FZR1: variants seen among roughly 807,000 people sequenced by gnomAD.
The protein encoded by FZR1 is fizzy-related protein homolog.
Under a neutral mutation model 63.6 loss-of-function variants are expected in FZR1, and 11 were observed. That is an observed-to-expected ratio of 0.17 (90% CI 0.11 to 0.29). The LOEUF (loss-of-function observed/expected upper bound fraction) is 0.29, where lower values mean the gene tolerates loss of function less well. Among genes scored for constraint, FZR1 ranks in the 10% least tolerant of loss-of-function variants. The pLI, the probability that FZR1 is intolerant of heterozygous loss-of-function variation, is 1.00. For synonymous variants in FZR1, 328 were observed against 297.9 expected, an observed-to-expected ratio of 1.10 and a Z score of -1.04; for missense variants, 440 against 687.5, an observed-to-expected ratio of 0.64 and a Z score of 4.03.
intron 1 of FZR1, among the ~76,000 whole-genome samples, chr19:3,521,701 C>A (rs1301357129): frequency 2.0e-5 from 3 of 152,116 alleles, no homozygotes; most frequent in Non-Finnish European, 2.9e-5. Context: ...GGGGTTTCAC[C>A]ACGTTGGCCA....
At chr19:3,523,171 G>T in intron 2 of FZR1, 113 bp downstream of exon 2, 2 of 764,482 alleles carry the variant, frequency 2.6e-6, no homozygotes, top group Non-Finnish European at 4.8e-6. Flanking sequence ...GACCACTCAG[G>T]TCCCAGTCCC....
Position 3,532,706 on chromosome 19 carries a change from C to CCCTTACCTGCCACCT in FZR1, c.1242+57_1242+71dup. 7 of 1,183,666 alleles carry CCCTTACCTGCCACCT rather than the reference C, an allele frequency of 5.9e-6. No homozygotes were observed. The South Asian group carries it at 7.5e-5, about 13-fold the overall frequency. The allele number at this position is 1,183,666 out of a possible 1,614,324, so 73.3% of individuals were successfully genotyped here. ...GCCTCAGGATGTGCGTCCTGCTGGC[C>CCCTTACCTGCCACCT]CCTTACCTGCCACCTGAGAGCAGCC... On this transcript the variant is annotated intron_variant, in intron 11 of 13. Coordinates refer to ENST00000441788, the MANE Select transcript of FZR1 (RefSeq NM_016263.4).
At chr19:3,523,942 T>C (rs1214580134) in intron 2 of FZR1, among the ~76,000 whole-genome samples, 2 of 152,230 alleles carry the variant, frequency 1.3e-5, no homozygotes, top group Admixed American at 1.3e-4. Flanking sequence ...CTTCTCCCCC[T>C]GTGCGGTGCG....
intron 13 of FZR1, 117 bp downstream of exon 13, chr19:3,534,630 C>T: frequency 1.1e-6 from 1 of 905,306 alleles, no homozygotes; most frequent in Non-Finnish European, 1.8e-6. Flanking sequence ...CCGAGCTTCC[C>T]TCACCTCAAA....
Position 3,525,432 on chromosome 19 carries a change from CTT to C in FZR1, c.70-409_70-408del, listed in dbSNP as rs57486013. On this transcript the variant is annotated intron_variant, in intron 2 of 13. Transcript: ENST00000441788. This position sits in a 1 kb window ranked among gnomAD's most constrained non-coding sequence, Gnocchi z 4.2. ...TGTGTGGCTCCCCTCCTTGGGTTTTCTTTTTTTTTTTTTTTTTTTTTTTTTTT... is the reference window on the plus strand; with the variant it reads ...TGTGTGGCTCCCCTCCTTGGGTTTTCTTTTTTTTTTTTTTTTTTTTTTTTT... 5.8e-5 allele frequency among the ~76,000 whole-genome samples: 4 copies of C among 68,742 alleles called. No homozygotes were observed. Among genetic ancestry groups the C allele is most frequent in the African/African-American group, 1.8e-4 (3 of 16,546 alleles). The allele number at this position is 68,742 out of a possible 152,430, so 45.1% of individuals were successfully genotyped here.
intron 7 of FZR1, among the ~76,000 whole-genome samples, chr19:3,529,463 A>G (rs1288208673): frequency 1.6e-5 from 2 of 127,740 alleles, no homozygotes; most frequent in African/African-American, 7.7e-5. Flanking sequence ...AGTGGATGGG[A>G]GAGCAGATGG....
In FZR1 at chr19:3,523,066, C is replaced by T. The variant is rs1281680616; in HGVS notation, c.69+8C>T. Reference sequence around the variant, plus strand: ...GAGAACACGATGCCACGCGTGAGTGCCCCCGCCCTGCCCACCACTGTGGCT... The same window carrying T: ...GAGAACACGATGCCACGCGTGAGTGTCCCCGCCCTGCCCACCACTGTGGCT... On this transcript the variant is annotated splice_region_variant and intron_variant, in intron 2 of 13. Coordinates refer to ENST00000441788, the MANE Select transcript of FZR1 (RefSeq NM_016263.4). The T allele has an allele frequency of 5.7e-6, 9 of 1,571,024 alleles. No homozygotes were observed. Among genetic ancestry groups the T allele is most frequent in the Non-Finnish European group, 7.0e-6 (8 of 1,142,066 alleles).
At chr19:3,518,868 TAA>T (rs1046659529) in intron 1 of FZR1, among the ~76,000 whole-genome samples, 2 of 151,946 alleles carry the variant, frequency 1.3e-5, no homozygotes, top group African/African-American at 2.4e-5. Flanking sequence ...CCTGTCTCCA[TAA>T]AAAAAAGTGT....
intron 7 of FZR1, among the ~76,000 whole-genome samples, chr19:3,529,039 T>C (rs1196177529): frequency 8.3e-6 from 1 of 120,498 alleles, no homozygotes; most frequent in Non-Finnish European, 1.7e-5. Context: ...AGTGGATGGG[T>C]GAGAGGATGG....
chr19:3,519,129 G>A (rs1373314842), intron 1 of FZR1, among the ~76,000 whole-genome samples: 1 of 152,222 alleles, frequency 6.6e-6, no homozygotes, highest in East Asian at 1.9e-4. Flanking sequence ...CCCCCCATGC[G>A]AGGCTGGGCA....
intron 13 of FZR1, 131 bp from the exon 14 acceptor site, chr19:3,534,664 T>C (rs904366231): frequency 2.2e-6 from 2 of 928,730 alleles, no homozygotes; most frequent in African/African-American, 3.2e-5. Flanking sequence ...GTCGGGGCAG[T>C]GTGGCAGGCC....
In FZR1 at chr19:3,515,761, G is replaced by A. The variant is rs1242108045; in HGVS notation, c.-34-7195G>A. ...AGCCTGGGTGACAGAGCCAGACTCC[G>A]TCTCTAAAAAAAAAAAAAAAAGGAA... On this transcript the variant is annotated intron_variant, in intron 1 of 13. Coordinates refer to ENST00000441788, the MANE Select transcript of FZR1 (RefSeq NM_016263.4). The surrounding 1 kb of genome is among the most constrained non-coding windows in gnomAD (Gnocchi z 4.6). Among the ~76,000 whole-genome samples, 12 of 115,912 alleles carry A rather than the reference G, an allele frequency of 1.0e-4. No individual in the cohort carries two copies. The highest frequency in any genetic ancestry group is 3.1e-4 in the South Asian group (1 of 3,224). 76.0% of individuals were successfully genotyped at this position (115,912 alleles called of 152,430 possible).
rs1369593281 is a variant in FZR1, at chr19:3,515,324, T to C, written c.-34-7632T>C. On this transcript the variant is annotated intron_variant, in intron 1 of 13. Coordinates refer to ENST00000441788, the MANE Select transcript of FZR1 (RefSeq NM_016263.4). The surrounding 1 kb of genome is among the most constrained non-coding windows in gnomAD (Gnocchi z 4.6). ...AACAGCAGCTTAAGATCCTGATTTC[T>C]CTCTACTCTAACCTTTTACGATGAA... Among the ~76,000 whole-genome samples the C allele has an allele frequency of 6.6e-6, 1 of 152,186 alleles. No individual in the cohort carries two copies.
chr19:3,508,304 C>A (rs2083000724), intron 1 of FZR1, among the ~76,000 whole-genome samples: 1 of 140,462 alleles, frequency 7.1e-6, no homozygotes, highest in African/African-American at 2.7e-5. Flanking sequence ...TCAAGTGATT[C>A]TCCTGCCTCA....
Position 3,533,089 on chromosome 19 carries a change from G to A in FZR1, c.1243-205G>A, listed in dbSNP as rs547025570. ...TCCTTGTTGGGCTCCAGCCTTTGGC[G>A]GTGGGTGGAGGGGTCCACCTGTGGC... On this transcript the variant is annotated intron_variant, in intron 11 of 13. Coordinates refer to ENST00000441788, the MANE Select transcript of FZR1 (RefSeq NM_016263.4). This position sits in a 1 kb window ranked among gnomAD's most constrained non-coding sequence, Gnocchi z 4.9. Among the ~76,000 whole-genome samples, 16 of 152,244 alleles carry A rather than the reference G, an allele frequency of 1.1e-4. No individual in the cohort carries two copies. Among genetic ancestry groups the A allele is most frequent in the South Asian group, 1.0e-3 (5 of 4,824 alleles).
chr19:3,511,077 C>G (rs542383813), intron 1 of FZR1, among the ~76,000 whole-genome samples: 10 of 152,376 alleles, frequency 6.6e-5, no homozygotes, highest in African/African-American at 2.4e-4. Flanking sequence ...GCGCTCCATC[C>G]GATCCTGAGA....
chr19:3,535,764 A>C lies in FZR1; in HGVS notation c.*928A>C, dbSNP rs1458314959. 1 of 152,374 alleles carries C rather than the reference A, an allele frequency of 6.6e-6. No individual in the cohort carries two copies. The highest frequency in any genetic ancestry group is 1.5e-5 in the Non-Finnish European group (1 of 68,148). The allele number at this position is 152,374 out of a possible 1,614,324, so 9.4% of individuals were successfully genotyped here. On this transcript the variant is annotated 3_prime_UTR_variant, in exon 14 of 14. Coordinates refer to ENST00000441788, the MANE Select transcript of FZR1 (RefSeq NM_016263.4). ...GTGGCTGGGTCCTGTGGAGGCCAGCAGCGGTGTGGCCCCCGCCCCCAGGCT... is the reference window on the plus strand; with the variant it reads ...GTGGCTGGGTCCTGTGGAGGCCAGCCGCGGTGTGGCCCCCGCCCCCAGGCT...
chr19:3,527,116 C>A, intron 6 of FZR1, 54 bp downstream of exon 6: 1 of 1,378,140 alleles, frequency 7.3e-7, no homozygotes, highest in Non-Finnish European at 1.0e-6. Context: ...CCGTCAGCAG[C>A]AAGAGGTGGG....
chr19:3,527,004 A>G lies in FZR1; in HGVS notation c.412A>G (p.Ser138Gly), dbSNP rs1377262700. ...GTATTCCCTTAGCACCAAGCGCTCC[A>G]GCCCCGATGACGGCAACGATGTGTC... ...FTYSLSTKRSSPDDGNDVSPY... is the reference protein window; with the variant it reads ...FTYSLSTKRSGPDDGNDVSPY... Residue 138 changes from serine to glycine, a missense_variant, in exon 6 of 14, where the codon AGC (serine) becomes GGC (glycine). Physicochemically the swap from Ser to Gly is moderately conservative, Grantham distance 56. Around this residue, in one of 5 missense-constraint regions of FZR1, gnomAD observed 200 missense variants for 245.1 expected, o/e 0.82. Coordinates refer to ENST00000441788, the MANE Select transcript of FZR1 (RefSeq NM_016263.4). 3.1e-6 allele frequency: 5 copies of G among 1,612,532 alleles called. No individual in the cohort carries two copies. In the South Asian group the frequency reaches 3.3e-5, roughly 11 times the overall value.
Sources: allele counts gnomAD v4.1 joint callset (sites outside exome capture counted in the v4.1 genomes callset), GRCh38; gene constraint gnomAD v4.1.1; regional missense constraint gnomAD v4.1.1; non-coding constraint Gnocchi (gnomAD v3.1); transcripts MANE v1.5; gene names NCBI Gene and HGNC (gene_info 2026-07-23, HGNC 2026-07-21).